The following KCND2 variants were observed in gnomAD, a reference collection of about 807,000 sequenced individuals.
The protein encoded by KCND2 is A-type voltage-gated potassium channel KCND2.
Under a neutral mutation model 54.4 loss-of-function variants are expected in KCND2, and 16 were observed. The observed-to-expected ratio is 0.29, with a 90% confidence interval of 0.20 to 0.45. The LOEUF (loss-of-function observed/expected upper bound fraction) is 0.45. Among genes scored for constraint, KCND2 ranks in the 20% least tolerant of loss-of-function variants. The pLI is 1.00. For missense variants in KCND2, 486 were observed against 824.2 expected (o/e 0.59, Z 5.02); for synonymous variants, 317 against 310.7 (o/e 1.02, Z -0.21).
intron 1 of KCND2, among the ~76,000 whole-genome samples, chr7:120,622,040 T>C (rs956583206): frequency 3.9e-5 from 6 of 152,066 alleles, no homozygotes; most frequent in African/African-American, 1.4e-4. Context: ...CTTTTTTCTT[T>C]AATTCACTAG....
At chr7:120,327,560 T>G (rs1353035963) in intron 1 of KCND2, among the ~76,000 whole-genome samples, 1 of 152,026 alleles carries the variant, frequency 6.6e-6, no homozygotes, top group Non-Finnish European at 1.5e-5. Flanking sequence ...CTAAAGAAAT[T>G]TATGAATTAA....
intron 1 of KCND2, among the ~76,000 whole-genome samples, chr7:120,603,069 AAC>A (rs1193516327): frequency 6.6e-6 from 1 of 152,176 alleles, no homozygotes; most frequent in Non-Finnish European, 1.5e-5. Flanking sequence ...ACTACTAAAT[AAC>A]ACAAGTAAAC....
At chr7:120,596,531 C>T (rs1021589673) in intron 1 of KCND2, among the ~76,000 whole-genome samples, 1 of 152,144 alleles carries the variant, frequency 6.6e-6, no homozygotes, top group South Asian at 2.1e-4. Context: ...TTCTTAATCT[C>T]CGTAAAGTTG....
At chr7:120,468,357 G>A (rs908208081) in intron 1 of KCND2, among the ~76,000 whole-genome samples, 3 of 152,114 alleles carry the variant, frequency 2.0e-5, no homozygotes, top group African/African-American at 7.2e-5. Flanking sequence ...CTGCTGTAAT[G>A]TGATTTTCTC....
intron 1 of KCND2, among the ~76,000 whole-genome samples, chr7:120,415,381 G>A (rs1280282910): frequency 6.6e-6 from 1 of 152,126 alleles, no homozygotes; most frequent in Non-Finnish European, 1.5e-5. Context: ...TTCTTAAAGT[G>A]GTGCTGTCAT....
intron 1 of KCND2, among the ~76,000 whole-genome samples, chr7:120,307,305 A>G (rs918228968): frequency 6.6e-6 from 1 of 152,070 alleles, no homozygotes; most frequent in South Asian, 2.1e-4. Context: ...AATTTTCAGC[A>G]TAAAGTGAAA....
chr7:120,647,177 G>A (rs1028016510), intron 1 of KCND2, among the ~76,000 whole-genome samples: 8 of 152,200 alleles, frequency 5.3e-5, no homozygotes, highest in African/African-American at 1.7e-4. Context: ...TTGATCGAAT[G>A]TATTTGAATT....
chr7:120,404,173 A>G (rs1053192461), intron 1 of KCND2, among the ~76,000 whole-genome samples: 1 of 152,288 alleles, frequency 6.6e-6, no homozygotes, highest in Admixed American at 6.5e-5. Flanking sequence ...ACTTAACAGT[A>G]TCTGTACTTA....
chr7:120,717,147 T>A (rs763500756), intron 1 of KCND2, among the ~76,000 whole-genome samples: 1 of 152,134 alleles, frequency 6.6e-6, no homozygotes, highest in Non-Finnish European at 1.5e-5. Context: ...ATGAGGTGAC[T>A]AACGTAGGCA....
intron 1 of KCND2, among the ~76,000 whole-genome samples, chr7:120,534,734 A>T (rs550538370): frequency 3.9e-5 from 6 of 152,284 alleles, no homozygotes; most frequent in African/African-American, 9.6e-5. Context: ...TCTCTGTGTT[A>T]TCTTTGCAAC....
intron 1 of KCND2, among the ~76,000 whole-genome samples, chr7:120,303,336 T>A (rs1355180983): frequency 6.6e-6 from 1 of 152,178 alleles, no homozygotes; most frequent in Admixed American, 6.5e-5. Context: ...AAACAACAAA[T>A]TGGCTATCTT....
chr7:120,500,479 A>G (rs1486273940), intron 1 of KCND2, among the ~76,000 whole-genome samples: 1 of 152,150 alleles, frequency 6.6e-6, no homozygotes, highest in Non-Finnish European at 1.5e-5. Context: ...GCATTATCGC[A>G]AAATTCTTGA....
chr7:120,622,320 T>C (rs1793109005), intron 1 of KCND2, among the ~76,000 whole-genome samples: 1 of 152,158 alleles, frequency 6.6e-6, no homozygotes, highest in African/African-American at 2.4e-5. Flanking sequence ...TGAAGACTAA[T>C]GTATTTGGAT....
intron 1 of KCND2, among the ~76,000 whole-genome samples, chr7:120,603,014 A>C (rs1792834036): frequency 6.6e-6 from 1 of 152,202 alleles, no homozygotes. Flanking sequence ...TTCCTGGAAA[A>C]ATATTATGTA....
intron 1 of KCND2, among the ~76,000 whole-genome samples, chr7:120,584,541 A>G (rs1241601042): frequency 2.6e-5 from 4 of 152,270 alleles, no homozygotes; most frequent in Non-Finnish European, 5.9e-5. Context: ...CATTTGAAAC[A>G]GGTACATGGG....
intron 1 of KCND2, among the ~76,000 whole-genome samples, chr7:120,280,528 CTTATT>C (rs926951233): frequency 3.9e-4 from 59 of 151,936 alleles, no homozygotes; most frequent in African/African-American, 1.2e-3. Flanking sequence ...GATAAACTGT[CTTATT>C]TTATTTTTAT....
At chr7:120,326,994 A>G (rs889200215) in intron 1 of KCND2, among the ~76,000 whole-genome samples, 5 of 152,060 alleles carry the variant, frequency 3.3e-5, no homozygotes, top group Admixed American at 6.6e-5. Flanking sequence ...TTTATTTACA[A>G]TTGTTAAGTG....
intron 1 of KCND2, among the ~76,000 whole-genome samples, chr7:120,675,265 C>T (rs551959623): frequency 2.6e-5 from 4 of 152,226 alleles, no homozygotes; most frequent in Non-Finnish European, 5.9e-5. Context: ...CAGGGTATTG[C>T]TCTGTCCCCC....
intron 1 of KCND2, among the ~76,000 whole-genome samples, chr7:120,542,022 A>G (rs1037376520): frequency 1.3e-5 from 2 of 152,144 alleles, no homozygotes; most frequent in Non-Finnish European, 2.9e-5. Flanking sequence ...CTATTTTATT[A>G]AATATTTTTA....
Sources: gnomAD v4.1 joint callset for allele counts (sites outside exome capture counted in the v4.1 genomes callset) on GRCh38, gnomAD v4.1.1 for gene constraint, MANE v1.5 for transcripts, NCBI Gene and HGNC (gene_info 2026-07-23, HGNC 2026-07-21) for gene names.